Variants in SYN2 observed in about 807,000 individuals in gnomAD.
The protein encoded by SYN2 is synapsin-2.
A neutral mutation model predicts 50.9 loss-of-function variants in SYN2; 19 were observed. The observed-to-expected ratio is 0.37, with a 90% CI of 0.26 to 0.55. The LOEUF is 0.55. SYN2 is among the 20% of genes least tolerant of loss of function. The pLI, the probability that SYN2 is intolerant of heterozygous loss-of-function variation, is 0.81. For missense variants in SYN2, 587 were observed against 576.4 expected, an observed-to-expected ratio of 1.02 and a Z score of -0.19; for synonymous variants, 255 against 224.9, an observed-to-expected ratio of 1.13 and a Z score of -1.20.
At chr3:12,095,473 G>A (rs993047562) in intron 1 of SYN2, among the ~76,000 whole-genome samples, 6 of 125,958 alleles carry the variant, frequency 4.8e-5, no homozygotes, top group East Asian at 2.4e-4. Context: ...GTGTGAACCC[G>A]GGAGTCAGAG....
intron 1 of SYN2, among the ~76,000 whole-genome samples, chr3:12,116,124 G>A (rs544577099): frequency 4.5e-4 from 69 of 152,242 alleles, no homozygotes; most frequent in Non-Finnish European, 8.4e-4. Flanking sequence ...TTTAGGGGAC[G>A]TGGCCTAGAT....
chr3:12,070,458 ATCG>A, intron 1 of SYN2: 1 of 581,166 alleles, frequency 1.7e-6, no homozygotes, highest in Non-Finnish European at 3.4e-6. Flanking sequence ...TGAGCGTGGC[ATCG>A]TCATCAACTG....
In SYN2 at chr3:12,187,357, T is replaced by C. The variant is rs1390278952; in HGVS notation, c.1370-12T>C. 7.8e-6 allele frequency: 12 copies of C among 1,529,680 alleles called. No homozygotes were observed. The East Asian group carries it at 3.0e-4, about 38-fold the overall frequency. The allele number at this position is 1,529,680 out of a possible 1,614,324, so 94.8% of individuals were successfully genotyped here. On this transcript the variant is annotated splice_polypyrimidine_tract_variant and intron_variant, in intron 11 of 12. Coordinates refer to ENST00000621198, the MANE Select transcript of SYN2 (RefSeq NM_133625.6). Reference sequence around the variant, plus strand: ...TGGTTAAATTATGAAGTTTTTCTTGTACTGAACCTAGGGGGCCCTGGGCAA... The same window carrying C: ...TGGTTAAATTATGAAGTTTTTCTTGCACTGAACCTAGGGGGCCCTGGGCAA...
rs1358022704 is a variant in SYN2 at position 12,156,944 on chromosome 3, A to G, written c.775-4602A>G. 8 of 1,606,380 alleles carry G rather than the reference A, an allele frequency of 5.0e-6. No homozygotes were observed. In the South Asian group the frequency reaches 7.7e-5, roughly 15 times the overall value. On this transcript the variant is annotated intron_variant, in intron 5 of 12. Transcript: ENST00000621198. ...CAAACCCTTTGAACATCTGACAGGC[A>G]ATTACAAAAAAAGGCAATATTGGGT...
chr3:12,183,476 T>G, intron 11 of SYN2, 104 bp downstream of exon 11: 1 of 1,607,158 alleles, frequency 6.2e-7, no homozygotes, highest in Non-Finnish European at 8.5e-7. Context: ...GCAGAAATTT[T>G]AAGCCAAAAA....
intron 1 of SYN2, among the ~76,000 whole-genome samples, chr3:12,122,619 A>G (rs1355200917): frequency 1.3e-5 from 2 of 152,178 alleles, no homozygotes; most frequent in African/African-American, 2.4e-5. Flanking sequence ...ATCTCAGCCT[A>G]TGTGCTGGAC....
chr3:12,153,989 C>T (rs560254685), intron 5 of SYN2, among the ~76,000 whole-genome samples: 1 of 152,280 alleles, frequency 6.6e-6, no homozygotes, highest in South Asian at 2.1e-4. Context: ...CATTTCTTCA[C>T]CTTAAAATGG....
intron 1 of SYN2, among the ~76,000 whole-genome samples, chr3:12,028,029 C>CCCTCCCT (rs1694302100): frequency 1.2e-5 from 1 of 80,980 alleles, no homozygotes; most frequent in Non-Finnish European, 2.2e-5. Context: ...TTTCCCTCCC[C>CCCTCCCT]CCTCCCCACC....
intron 1 of SYN2, among the ~76,000 whole-genome samples, chr3:12,095,172 A>T (rs1298787285): frequency 6.6e-6 from 1 of 151,938 alleles, no homozygotes; most frequent in Non-Finnish European, 1.5e-5. Context: ...CTTTGTTCTC[A>T]CCTTCCACTT....
intron 1 of SYN2, among the ~76,000 whole-genome samples, chr3:12,023,944 C>G (rs1020404738): frequency 6.6e-5 from 10 of 151,920 alleles, no homozygotes; most frequent in African/African-American, 2.4e-4. Flanking sequence ...ACCTTATGAC[C>G]CTCAATCTGT....
intron 3 of SYN2, among the ~76,000 whole-genome samples, chr3:12,144,407 TTTTAAGGAGCAGC>T (rs1247632741): frequency 6.6e-6 from 1 of 152,210 alleles, no homozygotes; most frequent in African/African-American, 2.4e-5. Flanking sequence ...GCATTGCCTA[TTTTAAGGAGCAGC>T]TTTAAGGAGT....
intron 1 of SYN2, among the ~76,000 whole-genome samples, chr3:12,087,472 T>TA (rs1362711560): frequency 6.6e-6 from 1 of 152,150 alleles, no homozygotes; most frequent in East Asian, 1.9e-4. Flanking sequence ...ATTTTAAAGC[T>TA]ATCTTAATGA....
Position 12,162,074 on chromosome 3 carries a change from C to G in SYN2, c.900C>G (p.Thr300=). ...CCAGCGTGGTGGCTCTCACCCAGAC[C>G]TATGCCACTGCAGAGCCTTTCATTG... is the stretch of plus-strand genomic sequence containing the variant. ...DIASVVALTQ[T]YATAEPFIDS... Residue 300 remains threonine, a synonymous_variant, in exon 7 of 13, where the codon ACC becomes ACG. Transcript: ENST00000621198. 3 of 1,614,074 alleles carry G rather than the reference C, an allele frequency of 1.9e-6. No homozygotes were observed. Among genetic ancestry groups the G allele is most frequent in the Non-Finnish European group, 1.7e-6 (2 of 1,179,950 alleles).
chr3:12,183,566 T>C (rs1698272198), intron 11 of SYN2, 194 bp downstream of exon 11: 9 of 1,509,240 alleles, frequency 6.0e-6, no homozygotes, highest in Admixed American at 2.5e-5. Context: ...CTGACTGGAC[T>C]GTGTTTTTCC....
chr3:12,111,189 G>A (rs2125195278), intron 1 of SYN2, among the ~76,000 whole-genome samples: 1 of 152,298 alleles, frequency 6.6e-6, no homozygotes, highest in South Asian at 2.1e-4. Context: ...AGTCTCATGA[G>A]ATCTGATGGG....
At chr3:12,014,372 C>T (rs780273214) in intron 1 of SYN2, among the ~76,000 whole-genome samples, 27 of 152,186 alleles carry the variant, frequency 1.8e-4, no homozygotes, top group Non-Finnish European at 3.5e-4. Context: ...TGGAAGTCAT[C>T]CTTACTGTCT....
intron 10 of SYN2, among the ~76,000 whole-genome samples, chr3:12,178,133 C>G (rs1698129675): frequency 6.6e-6 from 1 of 152,178 alleles, no homozygotes; most frequent in East Asian, 1.9e-4. Context: ...CCCTGGGGTC[C>G]TAGACCAGGG....
In SYN2 at chr3:12,168,433, T is replaced by C. The variant is rs748496213; in HGVS notation, c.1113T>C (p.Ala371=). 6.2e-7 allele frequency: 1 copy of C among 1,614,014 alleles called. No individual in the cohort carries two copies. Among genetic ancestry groups the C allele is most frequent in the Non-Finnish European group, 8.5e-7 (1 of 1,179,920 alleles). ...SEMFGGLDIC[A]VKAVHGKDGK... is the part of the protein sequence containing the mutation. ...TGTTTGGCGGCCTGGACATCTGTGCTGTCAAAGCTGTACATGGCAAAGATG... is the reference window on the plus strand; with the variant it reads ...TGTTTGGCGGCCTGGACATCTGTGCCGTCAAAGCTGTACATGGCAAAGATG... Residue 371 remains alanine (A), a synonymous_variant, in exon 9 of 13, where the codon GCT becomes GCC. Transcript: ENST00000621198.
At chr3:12,014,988 A>T (rs1327081915) in intron 1 of SYN2, among the ~76,000 whole-genome samples, 1 of 152,248 alleles carries the variant, frequency 6.6e-6, no homozygotes, top group Non-Finnish European at 1.5e-5. Context: ...GAAAGTACAC[A>T]GCAAGCATTC....
Sources: gnomAD v4.1 joint callset for allele counts (sites outside exome capture counted in the v4.1 genomes callset) on GRCh38, gnomAD v4.1.1 for gene constraint, MANE v1.5 for transcripts, NCBI Gene and HGNC (gene_info 2026-07-23, HGNC 2026-07-21) for gene names.